The following ITPR1 variants were observed in gnomAD, a reference collection of about 807,000 sequenced individuals.
The protein encoded by ITPR1 is inositol 1,4,5-trisphosphate receptor type 1.
Under a neutral mutation model 318.4 loss-of-function variants are expected in ITPR1, and 96 were observed. The ratio of observed to expected loss-of-function variants is 0.30; its 90% confidence interval spans 0.26 to 0.36. The LOEUF is 0.36. Among genes scored for constraint, ITPR1 ranks in the 10% least tolerant of loss-of-function variants. ITPR1 has a pLI of 1.00. For missense variants in ITPR1, 2,440 were observed against 3,460.2 expected, an observed-to-expected ratio of 0.71 and a Z score of 7.40; for synonymous variants, 1,312 against 1,289.9, an observed-to-expected ratio of 1.02 and a Z score of -0.37.
intron 55 of ITPR1, among the ~76,000 whole-genome samples, chr3:4,809,725 AG>A (rs968808298): frequency 1.2e-4 from 19 of 152,288 alleles, no homozygotes; most frequent in Admixed American, 3.3e-4. Flanking sequence ...ATGAGTGAAA[AG>A]GAAAAAATCG....
chr3:4,761,618 G>A (rs984063708), intron 44 of ITPR1, among the ~76,000 whole-genome samples: 2 of 152,222 alleles, frequency 1.3e-5, no homozygotes, highest in East Asian at 1.9e-4. Context: ...TGCCAGGTGG[G>A]GTGGAGTGAA....
chr3:4,706,364 G>T lies in ITPR1; in HGVS notation c.4842+13G>T, dbSNP rs1361313120. 6.3e-7 allele frequency: 1 copy of T among 1,593,664 alleles called. No individual in the cohort carries two copies. The highest frequency in any genetic ancestry group is 2.2e-5 in the East Asian group (1 of 44,636). ...TGAGAGATTGCAGGTAATGCCTGGT[G>T]TTGAGAGAAGTGATGCTTAGCCTGG... On this transcript the variant is annotated intron_variant, in intron 37 of 61. Coordinates refer to ENST00000649015, the MANE Select transcript of ITPR1 (RefSeq NM_001378452.1).
At chr3:4,785,359 G>A (rs1295053212) in intron 51 of ITPR1, among the ~76,000 whole-genome samples, 1 of 152,226 alleles carries the variant, frequency 6.6e-6, no homozygotes, top group African/African-American at 2.4e-5. Context: ...AAGGAATGAT[G>A]TGTTTTGCTA....
At chr3:4,709,595 T>C (rs1574960052) in intron 37 of ITPR1, among the ~76,000 whole-genome samples, 1 of 152,374 alleles carries the variant, frequency 6.6e-6, no homozygotes, top group East Asian at 1.9e-4. Context: ...CTTTTGAAGA[T>C]AATTTCTCAT....
chr3:4,498,820 C>T (rs576124024), intron 2 of ITPR1, among the ~76,000 whole-genome samples: 59 of 152,264 alleles, frequency 3.9e-4, no homozygotes, highest in Middle Eastern at 6.8e-3. Context: ...TATGTCTTAC[C>T]GCCACCCTGC....
chr3:4,699,829 G>A lies in ITPR1; in HGVS notation c.4424G>A (p.Ser1475Asn). 2 of 1,613,866 alleles carry A rather than the reference G, an allele frequency of 1.2e-6. No homozygotes were observed. Among genetic ancestry groups the A allele is most frequent in the Non-Finnish European group, 1.7e-6 (2 of 1,179,826 alleles). Residue 1475 changes from serine to asparagine, a missense_variant, in exon 35 of 62, where the codon AGT (serine) becomes AAT (asparagine). Transcript: ENST00000649015. The stretch of plus-strand genomic sequence containing the variant: ...GTCTTCCAGGCCTGTAACAACACTA[G>A]TGACAGGAAACATGCAGACTCGATT... Reference protein sequence around the residue: ...VDICRACNNTSDRKHADSILE... With the variant: ...VDICRACNNTNDRKHADSILE...
chr3:4,780,049 A>T (rs1460848625), intron 49 of ITPR1, among the ~76,000 whole-genome samples: 1 of 151,888 alleles, frequency 6.6e-6, no homozygotes, highest in Non-Finnish European at 1.5e-5. Context: ...CCTGAGTTCA[A>T]GTCCATAGCT....
At chr3:4,668,024 G>A (rs2093987950) in intron 18 of ITPR1, among the ~76,000 whole-genome samples, 1 of 152,050 alleles carries the variant, frequency 6.6e-6, no homozygotes, top group South Asian at 2.1e-4. Context: ...ACATTGTAGA[G>A]AATGGGGTAT....
intron 7 of ITPR1, among the ~76,000 whole-genome samples, chr3:4,643,632 A>G (rs935217453): frequency 2.0e-5 from 3 of 151,864 alleles, no homozygotes; most frequent in South Asian, 2.1e-4. Flanking sequence ...AGTTACATAT[A>G]TATATAGTAT....
At position 4,668,914 on chromosome 3, in the gene ITPR1, T is replaced by C. The variant is rs117174933; in HGVS notation, c.1887-740T>C. On this transcript the variant is annotated intron_variant, in intron 18 of 61. Coordinates refer to ENST00000649015, the MANE Select transcript of ITPR1 (RefSeq NM_001378452.1). ...TGATTGTATCTCATTCACACAGATC[T>C]GCTCCTCTTTCGTACACCCTCTCCC... Among the ~76,000 whole-genome samples, 10 of 152,378 alleles carry C rather than the reference T, an allele frequency of 6.6e-5. No individual in the cohort carries two copies. The East Asian group carries it at 1.9e-3, about 29-fold the overall frequency.
chr3:4,701,132 T>C (rs2094643765), intron 35 of ITPR1, among the ~76,000 whole-genome samples: 1 of 152,184 alleles, frequency 6.6e-6, no homozygotes, highest in Admixed American at 6.5e-5. Flanking sequence ...TTAATCATCT[T>C]TTGTACACTG....
chr3:4,652,069 T>A, intron 10 of ITPR1, 54 bp from the exon 11 acceptor site: 1 of 1,331,060 alleles, frequency 7.5e-7, no homozygotes, highest in Non-Finnish European at 1.1e-6. Flanking sequence ...TCCGATTTAA[T>A]GTCTTCCTAG....
intron 5 of ITPR1, among the ~76,000 whole-genome samples, chr3:4,638,706 C>CT (rs2093263843): frequency 6.6e-6 from 1 of 152,190 alleles, no homozygotes; most frequent in South Asian, 2.1e-4. Context: ...ACTAGCTATG[C>CT]AAGGGTGACC....
chr3:4,517,347 C>A (rs548328502), intron 3 of ITPR1, among the ~76,000 whole-genome samples: 185 of 152,260 alleles, frequency 1.2e-3, no homozygotes, highest in African/African-American at 4.3e-3. Context: ...AGTAGTGAGG[C>A]CCCGGGGCGG....
intron 4 of ITPR1, among the ~76,000 whole-genome samples, chr3:4,551,021 A>G (rs925929794): frequency 7.2e-5 from 11 of 152,230 alleles, no homozygotes; most frequent in Admixed American, 2.6e-4. Flanking sequence ...TTTACATCTC[A>G]CATAGAGCTA....
At chr3:4,743,194 A>C (rs1432983876) in intron 44 of ITPR1, among the ~76,000 whole-genome samples, 3 of 151,630 alleles carry the variant, frequency 2.0e-5, no homozygotes, top group Non-Finnish European at 4.4e-5. Flanking sequence ...CTTTCCTCCT[A>C]CTTTATCTGC....
At chr3:4,829,954 GTTTTTTT>G (rs35099159) in intron 60 of ITPR1, among the ~76,000 whole-genome samples, 3 of 27,096 alleles carry the variant, frequency 1.1e-4, no homozygotes, top group Admixed American at 6.0e-4. Flanking sequence ...ATGTATAACA[GTTTTTTT>G]TTTTTTTTTT....
In ITPR1 at chr3:4,702,933, G is replaced by A. The variant is rs1250105592; in HGVS notation, c.4640G>A (p.Arg1547Gln). The change falls in exon 36 of 62, where the codon CGG becomes CAG. Residue 1547 changes from arginine (R) to glutamine (Q), a missense_variant. By Grantham distance (43) the Arg-to-Gln change is conservative. Transcript: ENST00000649015. ...AAAGCCTCCGTGGAGAGCTGTATTCGGGTGCTGTCTGATGTAGGTAAGATA... is the reference window on the plus strand; with the variant it reads ...AAAGCCTCCGTGGAGAGCTGTATTCAGGTGCTGTCTGATGTAGGTAAGATA... ...SQKASVESCI[R>Q]VLSDVAKSRA... is the part of the protein sequence containing the mutation. The A allele has an allele frequency of 7.4e-6, 12 of 1,613,732 alleles. No homozygotes were observed. Among genetic ancestry groups the A allele is most frequent in the East Asian group, 2.2e-5 (1 of 44,888 alleles).
At chr3:4,805,091 A>G (rs751452412) in intron 54 of ITPR1, among the ~76,000 whole-genome samples, 1 of 152,222 alleles carries the variant, frequency 6.6e-6, no homozygotes, top group Non-Finnish European at 1.5e-5. Flanking sequence ...TCAGTTGCAG[A>G]TGTCAGAAAA....
Sources: gnomAD v4.1 joint callset for allele counts (sites outside exome capture counted in the v4.1 genomes callset) on GRCh38, gnomAD v4.1.1 for gene constraint, MANE v1.5 for transcripts, NCBI Gene and HGNC (gene_info 2026-07-23, HGNC 2026-07-21) for gene names.